The following RFX7 variants were observed in gnomAD, a reference collection of about 807,000 sequenced individuals.
RFX7 encodes the protein regulatory factor X7, also known as DNA-binding protein RFX7.
Under a neutral mutation model 111.8 loss-of-function variants are expected in RFX7, and 26 were observed. That is an observed-to-expected ratio of 0.23 (90% CI 0.17 to 0.32). The LOEUF is 0.32. Ranked by LOEUF, RFX7 falls within the 10% of genes least tolerant of loss-of-function variation. The pLI is 1.00. For synonymous variants in RFX7, 624 were observed against 624.4 expected (o/e 1.00, Z 0.01); for missense variants, 1,573 against 1,772.9 (o/e 0.89, Z 2.02).
chr15:56,206,881 G>A (rs1274597590), intron 2 of RFX7, among the ~76,000 whole-genome samples: 7 of 150,190 alleles, frequency 4.7e-5, no homozygotes, highest in Non-Finnish European at 1.5e-5. Flanking sequence ...TGGGGGTGGG[G>A]TGTGGGGAAG....
intron 2 of RFX7, among the ~76,000 whole-genome samples, chr15:56,239,437 T>G (rs1163675886): frequency 6.6e-6 from 1 of 151,850 alleles, no homozygotes; most frequent in African/African-American, 2.4e-5. Flanking sequence ...CTCGGCTAAT[T>G]TTTTGTATTT....
At chr15:56,216,231 C>T (rs1169828933) in intron 2 of RFX7, among the ~76,000 whole-genome samples, 1 of 152,058 alleles carries the variant, frequency 6.6e-6, no homozygotes. Flanking sequence ...TTATTTGTTC[C>T]TAGAATCTTG....
Position 56,133,230 on chromosome 15 carries a change from A to G in RFX7, c.401+9548T>C, listed in dbSNP as rs74017473. Among the ~76,000 whole-genome samples the G allele has an allele frequency of 4.9e-3, 750 of 152,274 alleles. 14 individuals are homozygous for G. Among genetic ancestry groups the G allele is most frequent in the African/African-American group, 0.017 (726 of 41,584 alleles). ...ATAAAAAAGCTCAAAATCATTTGTA[A>G]ACTAAACTGTTTTTGCATACTGAAA... On this transcript the variant is annotated intron_variant, in intron 5 of 9. Transcript: ENST00000559447.
intron 5 of RFX7, among the ~76,000 whole-genome samples, chr15:56,116,995 G>A (rs1445337658): frequency 1.3e-5 from 2 of 152,140 alleles, no homozygotes; most frequent in Admixed American, 6.5e-5. Context: ...CCAGGACAGA[G>A]GTTACCCTTG....
chr15:56,149,558 C>T (rs945321528), intron 3 of RFX7, among the ~76,000 whole-genome samples: 4 of 152,138 alleles, frequency 2.6e-5, no homozygotes, highest in East Asian at 3.9e-4. Flanking sequence ...GAGGGCGAGG[C>T]GAAGCAGGGT....
At chr15:56,116,403 A>G (rs2042009540) in intron 5 of RFX7, among the ~76,000 whole-genome samples, 1 of 152,246 alleles carries the variant, frequency 6.6e-6, no homozygotes, top group African/African-American at 2.4e-5. Context: ...GACTGGTTGC[A>G]CTACAACATT....
At chr15:56,235,852 C>T (rs1486648346) in intron 2 of RFX7, among the ~76,000 whole-genome samples, 1 of 152,136 alleles carries the variant, frequency 6.6e-6, no homozygotes, top group African/African-American at 2.4e-5. Flanking sequence ...ATTTAGACAA[C>T]AAATGGGTTC....
intron 2 of RFX7, chr15:56,192,653 G>A: frequency 4.9e-6 from 1 of 204,954 alleles, no homozygotes. Context: ...ACCCAGGAGT[G>A]TCCTTGCAAG....
chr15:56,116,821 A>C (rs926820881), intron 5 of RFX7, among the ~76,000 whole-genome samples: 2 of 151,290 alleles, frequency 1.3e-5, no homozygotes, highest in Non-Finnish European at 2.9e-5. Context: ...AAAATGCATA[A>C]ATTGTACAAA....
chr15:56,236,537 A>G (rs2043625486), intron 2 of RFX7, among the ~76,000 whole-genome samples: 1 of 152,236 alleles, frequency 6.6e-6, no homozygotes, highest in African/African-American at 2.4e-5. Context: ...TCAGAGATGT[A>G]GAATAACCAT....
rs530847994 is a variant in RFX7 at position 56,235,681 on chromosome 15, G to A, written c.161+7444C>T. ...TACTGATTTTGGAAAGAAAAAGGGTGGCAATTATAGGGCATGTGTATCATT... is the reference window on the plus strand; with the variant it reads ...TACTGATTTTGGAAAGAAAAAGGGTAGCAATTATAGGGCATGTGTATCATT... On this transcript the variant is annotated intron_variant, in intron 2 of 9. Transcript: ENST00000559447. Among the ~76,000 whole-genome samples the A allele has an allele frequency of 1.6e-3, 244 of 152,232 alleles. 1 individual carries two copies. Among genetic ancestry groups the A allele is most frequent in the Non-Finnish European group, 2.7e-3 (186 of 68,020 alleles).
intron 2 of RFX7, among the ~76,000 whole-genome samples, chr15:56,180,623 T>G (rs1041059820): frequency 3.3e-5 from 5 of 151,974 alleles, no homozygotes; most frequent in Admixed American, 6.6e-5. Flanking sequence ...CAGTCATTAC[T>G]GGCCAGGCGT....
intron 5 of RFX7, among the ~76,000 whole-genome samples, chr15:56,114,600 A>G (rs893851697): frequency 6.6e-6 from 1 of 152,162 alleles, no homozygotes; most frequent in Non-Finnish European, 1.5e-5. Flanking sequence ...ATCACCTTTG[A>G]AACTCATTGA....
chr15:56,102,102 G>A, intron 7 of RFX7, 67 bp downstream of exon 7: 1 of 1,143,342 alleles, frequency 8.7e-7, no homozygotes. Context: ...AGACTTTGCA[G>A]GATGCATTTC....
Position 56,096,082 on chromosome 15 carries a change from G to C in RFX7, c.1646C>G (p.Pro549Arg), listed in dbSNP as rs2041672471. 3 of 1,613,422 alleles carry C rather than the reference G, an allele frequency of 1.9e-6. No homozygotes were observed. In the East Asian group the frequency reaches 6.7e-5, roughly 36 times the overall value. ...ATCAGAGTTCTCTTGGCACTGTACA[G>C]GATGCTCATCTGATGATGTTTCGGG... ...VEPETSSDEH[P>R]VQCQENSDEA... is the part of the protein sequence containing the mutation. The change falls in exon 10 of 10, where the codon CCT (proline) becomes CGT (arginine). Residue 549 changes from proline (P) to arginine (R), a missense_variant. Transcript: ENST00000559447.
chr15:56,236,694 A>C (rs2043627124), intron 2 of RFX7, among the ~76,000 whole-genome samples: 1 of 152,216 alleles, frequency 6.6e-6, no homozygotes, highest in African/African-American at 2.4e-5. Flanking sequence ...TTATTTATAT[A>C]ATTGAATCTA....
intron 3 of RFX7, among the ~76,000 whole-genome samples, chr15:56,173,246 G>A (rs59432349): frequency 0.41 from 62,218 of 151,976 alleles, 12,847 homozygotes; most frequent in African/African-American, 0.43. Flanking sequence ...ACTCCAAAAG[G>A]CTGGGCAAAG....
intron 9 of RFX7, among the ~76,000 whole-genome samples, chr15:56,097,689 G>C (rs1204302401): frequency 1.6e-5 from 2 of 127,194 alleles, no homozygotes; most frequent in African/African-American, 3.0e-5. Flanking sequence ...GGAGGTTGCA[G>C]TGAGCCGAGA....
chr15:56,152,780 GAA>G (rs202222182), intron 3 of RFX7, among the ~76,000 whole-genome samples: 4 of 141,414 alleles, frequency 2.8e-5, no homozygotes, highest in Admixed American at 7.0e-5. Flanking sequence ...CTGGTTTTTT[GAA>G]AAAAAAAAAT....
Sources: allele counts gnomAD v4.1 joint callset (sites outside exome capture counted in the v4.1 genomes callset), GRCh38; gene constraint gnomAD v4.1.1; transcripts MANE v1.5; gene names NCBI Gene and HGNC (gene_info 2026-07-23, HGNC 2026-07-21).